The following COL12A1 variants were observed in gnomAD, a reference collection of about 807,000 sequenced individuals.
COL12A1 encodes collagen alpha-1(XII) chain.
Under a neutral mutation model 349.7 loss-of-function variants are expected in COL12A1, and 114 were observed. The ratio of observed to expected loss-of-function variants is 0.33; its 90% CI spans 0.28 to 0.38. The LOEUF (loss-of-function observed/expected upper bound fraction) is 0.38. Among genes scored for constraint, COL12A1 ranks in the 10% least tolerant of loss-of-function variants. COL12A1 has a pLI of 1.00. For missense variants in COL12A1, 3,284 were observed against 3,756.9 expected (o/e 0.87, Z 3.29); for synonymous variants, 1,369 against 1,329.0 (o/e 1.03, Z -0.66).
intron 50 of COL12A1, 39 bp from the exon 51 acceptor site, chr6:75,113,352 T>C: frequency 8.0e-7 from 1 of 1,252,520 alleles, no homozygotes; most frequent in Non-Finnish European, 1.1e-6. Flanking sequence ...TCATATGCAT[T>C]GTATAATTTT....
chr6:75,125,321 T>C (rs371299541), intron 39 of COL12A1, 48 bp from the exon 40 acceptor site: 1 of 1,513,296 alleles, frequency 6.6e-7, no homozygotes, highest in South Asian at 1.4e-5. Flanking sequence ...ATCAATAGCA[T>C]GAAATTTTGC....
At chr6:75,159,171 G>A (rs978821951) in intron 14 of COL12A1, among the ~76,000 whole-genome samples, 1 of 151,272 alleles carries the variant, frequency 6.6e-6, no homozygotes, top group African/African-American at 2.4e-5. Context: ...AGATAAGAAT[G>A]ATAAAGTAAG....
intron 2 of COL12A1, among the ~76,000 whole-genome samples, chr6:75,201,665 A>G (rs1770537273): frequency 6.6e-6 from 1 of 151,730 alleles, no homozygotes; most frequent in Admixed American, 6.6e-5. Flanking sequence ...ACATTACCCC[A>G]TTTTCTTTGC....
intron 3 of COL12A1, 140 bp from the exon 4 acceptor site, chr6:75,192,495 T>A: frequency 1.4e-6 from 1 of 705,604 alleles, no homozygotes; most frequent in Non-Finnish European, 2.2e-6. Context: ...CATTATTTTT[T>A]ACTGCCTTCC....
chr6:75,148,962 C>G (rs184002162), intron 21 of COL12A1, among the ~76,000 whole-genome samples: 28 of 152,240 alleles, frequency 1.8e-4, no homozygotes, highest in African/African-American at 6.5e-4. Flanking sequence ...AGGTCTAATG[C>G]TTTTATAAGG....
chr6:75,098,517 A>G (rs1314539912), intron 58 of COL12A1, among the ~76,000 whole-genome samples: 1 of 152,206 alleles, frequency 6.6e-6, no homozygotes. Context: ...AAAGTAGCCA[A>G]GCATGGTGGC....
intron 44 of COL12A1, among the ~76,000 whole-genome samples, 175 bp from the exon 45 acceptor site, chr6:75,119,648 A>G (rs540895246): frequency 1.3e-5 from 2 of 152,312 alleles, no homozygotes; most frequent in East Asian, 3.9e-4. Context: ...CACTTGTCTC[A>G]TTAAATTCGT....
intron 23 of COL12A1, 63 bp downstream of exon 23, chr6:75,147,612 T>C (rs1767265101): frequency 6.9e-7 from 1 of 1,453,274 alleles, no homozygotes; most frequent in Non-Finnish European, 9.2e-7. Context: ...TAGGCAAAAA[T>C]GGGCCATCAT....
At chr6:75,106,040 A>C (rs575617886) in intron 53 of COL12A1, among the ~76,000 whole-genome samples, 1 of 152,202 alleles carries the variant, frequency 6.6e-6, no homozygotes, top group Non-Finnish European at 1.5e-5. Context: ...CATCATCTCA[A>C]AAAGAAATAA....
chr6:75,136,956 T>G (rs576900542), intron 31 of COL12A1, among the ~76,000 whole-genome samples: 1 of 152,200 alleles, frequency 6.6e-6, no homozygotes, highest in Non-Finnish European at 1.5e-5. Context: ...TAAATTAGGT[T>G]AACAGGCTCC....
intron 3 of COL12A1, 34 bp from the exon 4 acceptor site, chr6:75,192,389 CA>C (rs1769978551): frequency 6.3e-7 from 1 of 1,588,390 alleles, no homozygotes; most frequent in African/African-American, 1.3e-5. Context: ...ATGAATGCAA[CA>C]AAACATTTTT....
chr6:75,189,669 C>T lies in COL12A1; in HGVS notation c.541G>A (p.Val181Ile). Residue 181 changes from valine to isoleucine, a missense_variant, in exon 6 of 66, where the codon GTT (valine) becomes ATT (isoleucine). Transcript: ENST00000322507. The stretch of plus-strand genomic sequence containing the variant: ...CTGGTATCAGAGCTGTATTGAACAA[C>T]TCCAACTCTTGTCTTCTCTTCCCCA... ...DIGEEKTRVG[V>I]VQYSSDTRTE... The T allele has an allele frequency of 6.2e-7, 1 of 1,613,366 alleles. No individual in the cohort carries two copies. Among genetic ancestry groups the T allele is most frequent in the Non-Finnish European group, 8.5e-7 (1 of 1,179,488 alleles).
chr6:75,147,886 G>A, intron 22 of COL12A1, 82 bp from the exon 23 acceptor site: 1 of 1,422,876 alleles, frequency 7.0e-7, no homozygotes, highest in South Asian at 1.5e-5. Flanking sequence ...GTAGTTAACT[G>A]CAGTGAGCTT....
intron 60 of COL12A1, among the ~76,000 whole-genome samples, chr6:75,093,739 T>A (rs1767878946): frequency 2.0e-5 from 3 of 152,202 alleles, no homozygotes; most frequent in Non-Finnish European, 2.9e-5. Context: ...TGATTTTTTT[T>A]AATTTATTGG....
rs540214329 is a variant in COL12A1, at chr6:75,200,562, G to A, written c.73+2158C>T. On this transcript the variant is annotated intron_variant, in intron 2 of 65. Transcript: ENST00000322507. ...CACTCCAGCCTGGGCAACAGAGCGA[G>A]ACTCTGTCTCAGGAAAAATAAAAAT... Among the ~76,000 whole-genome samples, 471 of 152,198 alleles carry A rather than the reference G, an allele frequency of 3.1e-3. 2 individuals carry two copies. The highest frequency in any genetic ancestry group is 4.9e-3 in the Non-Finnish European group (336 of 68,018).
At position 75,183,603 on chromosome 6, in the gene COL12A1, A is replaced by G. The variant is rs1440984373; in HGVS notation, c.1338T>C (p.Asp446=). Residue 446 remains aspartate (D), a synonymous_variant, in exon 10 of 66, where the codon GAT becomes GAC. Coordinates refer to ENST00000322507, the MANE Select transcript of COL12A1 (RefSeq NM_004370.6). ...DIKADIVFLV[D]GSYSIGIANF... is the part of the protein sequence containing the mutation. ...TTGCAATCCCAATGCTATAGGAGCC[A>G]TCAACCAAAAACACAATATCGGCTT... 6.2e-7 allele frequency: 1 copy of G among 1,613,400 alleles called. No individual in the cohort carries two copies. The highest frequency in any genetic ancestry group is 1.1e-5 in the South Asian group (1 of 90,828).
Position 75,084,799 on chromosome 6 carries a change from A to G in COL12A1, c.*1748T>C. 6.4e-6 allele frequency: 1 copy of G among 155,706 alleles called. No homozygotes were observed. Among genetic ancestry groups the G allele is most frequent in the Admixed American group, 6.2e-5 (1 of 16,034 alleles). The allele number at this position is 155,706 out of a possible 1,614,324, so 9.6% of individuals were successfully genotyped here. ...GGGGAATTATTTGAATCGTGGTGTAATTGAATTGAAAATAAGTATAGCAAA... is the reference window on the plus strand; with the variant it reads ...GGGGAATTATTTGAATCGTGGTGTAGTTGAATTGAAAATAAGTATAGCAAA... On this transcript the variant is annotated 3_prime_UTR_variant, in exon 66 of 66. Coordinates refer to ENST00000322507, the MANE Select transcript of COL12A1 (RefSeq NM_004370.6).
chr6:75,156,202 C>T, intron 15 of COL12A1, 55 bp downstream of exon 15: 1 of 1,587,372 alleles, frequency 6.3e-7, no homozygotes, highest in East Asian at 2.2e-5. Context: ...ATACCAAAGT[C>T]ATCTTTTAAA....
In COL12A1 at chr6:75,185,918, A is replaced by C. The variant is rs564409406; in HGVS notation, c.998-1774T>G. ...CTCAGATAACTGGCTAGCCATACGC[A>C]AAAGACTGAATCTGGACTCCTTCCT... is the stretch of plus-strand genomic sequence containing the variant. On this transcript the variant is annotated intron_variant, in intron 8 of 65. Coordinates refer to ENST00000322507, the MANE Select transcript of COL12A1 (RefSeq NM_004370.6). Among the ~76,000 whole-genome samples, 302 of 152,316 alleles carry C rather than the reference A, an allele frequency of 2.0e-3. 1 individual carries two copies. Among genetic ancestry groups the C allele is most frequent in the Admixed American group, 2.7e-3 (41 of 15,290 alleles).
Sources: allele counts gnomAD v4.1 joint callset (sites outside exome capture counted in the v4.1 genomes callset), GRCh38; gene constraint gnomAD v4.1.1; transcripts MANE v1.5; gene names NCBI Gene and HGNC (gene_info 2026-07-23, HGNC 2026-07-21).